Variants in AP1S3 observed in about 807,000 individuals in gnomAD.
The protein encoded by AP1S3 is AP-1 complex subunit sigma-3.
In AP1S3, 10 loss-of-function variants were observed where a neutral mutation model predicts 20.9. That is an observed-to-expected ratio of 0.48 (90% CI 0.29 to 0.81). The LOEUF (loss-of-function observed/expected upper bound fraction) is 0.81, where lower values mean the gene tolerates loss of function less well. Ranked by LOEUF, AP1S3 falls within the 30% of genes least tolerant of loss-of-function variation. The pLI is 0.08. For missense variants in AP1S3, 154 were observed against 183.8 expected, an observed-to-expected ratio of 0.84 and a Z score of 0.94; for synonymous variants, 41 against 61.5, an observed-to-expected ratio of 0.67 and a Z score of 1.56.
rs57119521 is a variant in AP1S3 at position 223,762,268 on chromosome 2, A to ATTTTTT, written c.429+2939_429+2944dup. 9.5e-5 allele frequency among the ~76,000 whole-genome samples: 10 copies of ATTTTTT among 105,192 alleles called. 1 individual carries two copies. Among genetic ancestry groups the ATTTTTT allele is most frequent in the Admixed American group, 3.4e-4 (3 of 8,712 alleles). The allele number at this position is 105,192 out of a possible 152,430, so 69.0% of individuals were successfully genotyped here. A position where few individuals can be genotyped will look rare whatever the true frequency, so the allele number is the denominator to read the frequency against. The stretch of plus-strand genomic sequence containing the variant: ...TAGGCATGAGCCATTGTGCCCAGCA[A>ATTTTTT]TTTTTTTTTTTTTTTTTTTTTTGAG... On this transcript the variant is annotated intron_variant, in intron 4 of 4. Transcript: ENST00000396654.
intron 1 of AP1S3, among the ~76,000 whole-genome samples, chr2:223,804,775 G>A: frequency 6.6e-6 from 1 of 151,888 alleles, no homozygotes; most frequent in East Asian, 1.9e-4. Context: ...CAAATGAAAG[G>A]CAGGAGAGTG....
intron 4 of AP1S3, among the ~76,000 whole-genome samples, chr2:223,763,492 A>T (rs201113798): frequency 9.9e-6 from 1 of 101,082 alleles, no homozygotes; most frequent in Non-Finnish European, 1.6e-5. Context: ...TCCTGAAGTT[A>T]AAAAAAAACC....
intron 1 of AP1S3, among the ~76,000 whole-genome samples, chr2:223,823,562 G>T (rs1286347952): frequency 6.6e-6 from 1 of 152,174 alleles, no homozygotes; most frequent in Non-Finnish European, 1.5e-5. Flanking sequence ...AGAGAGAGTA[G>T]AATAGTGGTT....
chr2:223,768,215 G>A (rs563002275), intron 3 of AP1S3, among the ~76,000 whole-genome samples: 1 of 152,252 alleles, frequency 6.6e-6, no homozygotes, highest in Admixed American at 6.5e-5. Flanking sequence ...GGTGTTTTGT[G>A]CCTTTGCTTT....
rs112069986 is a variant in AP1S3, at chr2:223,765,608, G to A, written c.292-258C>T. Among the ~76,000 whole-genome samples the A allele has an allele frequency of 6.6e-3, 1,001 of 152,262 alleles. 12 individuals carry two copies. The highest frequency in any genetic ancestry group is 0.022 in the African/African-American group (930 of 41,538). On this transcript the variant is annotated intron_variant, in intron 3 of 4. Transcript: ENST00000396654. ...ACAGGAAATTTGAGGCTCAGTAAGG[G>A]AATGAGGCCACTCGGCTCCTCTTCC...
rs768399601 is a variant in AP1S3 at position 223,777,848 on chromosome 2, T to C, written c.25A>G (p.Ser9Gly). The change falls in exon 2 of 5, where the codon AGT (serine) becomes GGT (glycine). Residue 9 changes from serine (S) to glycine (G), a missense_variant. Ser to Gly is a moderately conservative substitution (Grantham distance 56, BLOSUM62 0). Transcript: ENST00000396654. ...TGTAGCCGTAATTTCCCTTGTCGAC[T>C]GAAGAGCAATATGAAATGTATCTAG... MIHFILLF[S>G]RQGKLRLQKW... The C allele has an allele frequency of 6.2e-7, 1 of 1,613,500 alleles. No individual in the cohort carries two copies. The highest frequency in any genetic ancestry group is 8.5e-7 in the Non-Finnish European group (1 of 1,179,864).
chr2:223,832,493 C>T (rs1347968166), intron 1 of AP1S3, among the ~76,000 whole-genome samples: 1 of 152,136 alleles, frequency 6.6e-6, no homozygotes, highest in Non-Finnish European at 1.5e-5. Context: ...GACAACTGAA[C>T]ACCACAAAGG....
At chr2:223,834,450 C>T (rs1033527986) in intron 1 of AP1S3, among the ~76,000 whole-genome samples, 1 of 152,040 alleles carries the variant, frequency 6.6e-6, no homozygotes, top group South Asian at 2.1e-4. Flanking sequence ...ATTACCTGGG[C>T]ATGATGGCAC....
chr2:223,758,092 A>G lies in AP1S3; in HGVS notation c.*623T>C. On this transcript the variant is annotated 3_prime_UTR_variant, in exon 5 of 5. Coordinates refer to ENST00000396654, the MANE Select transcript of AP1S3 (RefSeq NM_001039569.2). ...CAAGATAGCAGCTTCTAAGGCATCA[A>G]AAACACTTATTAAGTTCTATACTCT... 7 of 984,694 alleles carry G rather than the reference A, an allele frequency of 7.1e-6. No individual in the cohort carries two copies. The highest frequency in any genetic ancestry group is 8.4e-6 in the Non-Finnish European group (7 of 828,972). 61.0% of individuals were successfully genotyped at this position (984,694 alleles called of 1,614,324 possible).
At chr2:223,765,935 G>A (rs969696401) in intron 3 of AP1S3, among the ~76,000 whole-genome samples, 5 of 152,206 alleles carry the variant, frequency 3.3e-5, no homozygotes, top group African/African-American at 1.2e-4. Context: ...CAGGTTCCCA[G>A]GTGATGCTGA....
At chr2:223,780,619 C>T (rs191656248) in intron 1 of AP1S3, among the ~76,000 whole-genome samples, 40 of 151,134 alleles carry the variant, frequency 2.6e-4, no homozygotes, top group African/African-American at 9.0e-4. Flanking sequence ...GTTGTAGAAA[C>T]GAGGTCTCCC....
intron 1 of AP1S3, among the ~76,000 whole-genome samples, chr2:223,821,395 T>C: frequency 6.6e-6 from 1 of 152,190 alleles, no homozygotes; most frequent in East Asian, 1.9e-4. Context: ...GACCTCATGA[T>C]CCACCTGCCT....
At chr2:223,774,734 G>A (rs770886213) in intron 3 of AP1S3, among the ~76,000 whole-genome samples, 3 of 152,280 alleles carry the variant, frequency 2.0e-5, no homozygotes, top group South Asian at 2.1e-4. Flanking sequence ...GCAGATTCTG[G>A]TAAAGCATAG....
chr2:223,809,599 G>A (rs780203059), intron 1 of AP1S3, among the ~76,000 whole-genome samples: 6 of 151,964 alleles, frequency 3.9e-5, no homozygotes, highest in South Asian at 4.2e-4. Context: ...AGTCGAGATC[G>A]CGCCACTGCA....
chr2:223,792,256 C>T (rs1269805014), intron 1 of AP1S3, among the ~76,000 whole-genome samples: 3 of 152,072 alleles, frequency 2.0e-5, no homozygotes, highest in Non-Finnish European at 4.4e-5. Flanking sequence ...TACAAGGCTA[C>T]TACTTTGAGG....
At chr2:223,817,202 C>T (rs1057304486) in intron 1 of AP1S3, among the ~76,000 whole-genome samples, 5 of 152,160 alleles carry the variant, frequency 3.3e-5, no homozygotes, top group South Asian at 2.1e-4. Flanking sequence ...ATCACCACAA[C>T]GTAATGTTAG....
chr2:223,808,964 C>G (rs946570570), intron 1 of AP1S3, among the ~76,000 whole-genome samples: 5 of 152,198 alleles, frequency 3.3e-5, no homozygotes, highest in African/African-American at 1.2e-4. Flanking sequence ...CACGCCACTA[C>G]AGCCTGGATG....
chr2:223,799,003 C>T lies in AP1S3; in HGVS notation c.4-21134G>A, dbSNP rs140024996. On this transcript the variant is annotated intron_variant, in intron 1 of 4. Coordinates refer to ENST00000396654, the MANE Select transcript of AP1S3 (RefSeq NM_001039569.2). Reference sequence around the variant, plus strand: ...AGGAGAATCACTTGAACCCAGGAGGCGGAGGTTGCATGGAGCGAGATTGCG... The same window carrying T: ...AGGAGAATCACTTGAACCCAGGAGGTGGAGGTTGCATGGAGCGAGATTGCG... Among the ~76,000 whole-genome samples the T allele has an allele frequency of 1.2e-4, 19 of 152,178 alleles. No individual in the cohort carries two copies. The East Asian group carries it at 3.5e-3, about 28-fold the overall frequency.
chr2:223,761,227 T>C (rs377185136), intron 4 of AP1S3, among the ~76,000 whole-genome samples: 1 of 152,248 alleles, frequency 6.6e-6, no homozygotes, highest in African/African-American at 2.4e-5. Context: ...GGTCCTCTTC[T>C]GGATACATCT....
Sources: allele counts gnomAD v4.1 joint callset (sites outside exome capture counted in the v4.1 genomes callset), GRCh38; gene constraint gnomAD v4.1.1; transcripts MANE v1.5; gene names NCBI Gene and HGNC (gene_info 2026-07-23, HGNC 2026-07-21).